The following CAST variants were observed in gnomAD, a reference collection of about 807,000 sequenced individuals.
CAST encodes MIR583 host.
In CAST, 76 loss-of-function variants were observed where a neutral mutation model predicts 119.6. The observed-to-expected ratio is 0.64, with a 90% confidence interval of 0.53 to 0.77. CAST has a LOEUF of 0.77. CAST is among the 30% of genes least tolerant of loss of function. The pLI, the probability that CAST is intolerant of heterozygous loss-of-function variation, is 0.00. For synonymous variants in CAST, 319 were observed against 331.6 expected, an observed-to-expected ratio of 0.96 and a Z score of 0.41; for missense variants, 953 against 946.5, an observed-to-expected ratio of 1.01 and a Z score of -0.09.
the CAST span, among the ~76,000 whole-genome samples, chr5:96,255,311 G>A: frequency 6.6e-6 from 1 of 152,118 alleles, no homozygotes; most frequent in Non-Finnish European, 1.5e-5. Flanking sequence ...GTAAAGGAAT[G>A]TTACAATTGG....
chr5:96,260,908 C>T, the CAST span, among the ~76,000 whole-genome samples: 1 of 152,170 alleles, frequency 6.6e-6, no homozygotes, highest in African/African-American at 2.4e-5. Flanking sequence ...ATATATAAAA[C>T]TTATGGCAAA....
chr5:96,475,683 A>AG, the CAST span, among the ~76,000 whole-genome samples: 1 of 152,160 alleles, frequency 6.6e-6, no homozygotes, highest in Non-Finnish European at 1.5e-5. Flanking sequence ...TGTAACAAGC[A>AG]GGGGGTCTGG....
chr5:96,279,598 T>A, the CAST span, among the ~76,000 whole-genome samples: 2 of 152,334 alleles, frequency 1.3e-5, no homozygotes, highest in East Asian at 1.9e-4. Context: ...ATAGACATGA[T>A]AAGAACAGAA....
the CAST span, among the ~76,000 whole-genome samples, chr5:96,495,249 T>G: frequency 6.6e-6 from 1 of 152,140 alleles, no homozygotes; most frequent in Non-Finnish European, 1.5e-5. Flanking sequence ...ATCAACTGTT[T>G]TTTGTTTTTT....
At chr5:96,361,370 C>T in the CAST span, among the ~76,000 whole-genome samples, 1 of 151,994 alleles carries the variant, frequency 6.6e-6, no homozygotes, top group East Asian at 1.9e-4. Context: ...CCAGGCACCA[C>T]TGGGGTATGA....
At chr5:96,127,150 C>A in the CAST span, among the ~76,000 whole-genome samples, 1 of 152,104 alleles carries the variant, frequency 6.6e-6, no homozygotes, top group South Asian at 2.1e-4. Context: ...TAATATATAG[C>A]TTTATTTGCA....
At chr5:96,079,250 A>G in the CAST span, 2 of 388,616 alleles carry the variant, frequency 5.1e-6, no homozygotes, top group Non-Finnish European at 1.0e-5. Flanking sequence ...CTCCCTACCC[A>G]CACTCTTTGT....
Position 96,672,431 on chromosome 5 carries a change from C to T in CAST, c.76-3108C>T, listed in dbSNP as rs369557242. 1.3e-4 allele frequency among the ~76,000 whole-genome samples: 20 copies of T among 152,200 alleles called. 1 individual carries two copies. The highest frequency in any genetic ancestry group is 9.6e-4 in the East Asian group (5 of 5,182). ...GCTGGGCTTAAAATAGGAACTGGGCCGGGAGCGGTGGCTCACGCCTGTAAT... is the reference window on the plus strand; with the variant it reads ...GCTGGGCTTAAAATAGGAACTGGGCTGGGAGCGGTGGCTCACGCCTGTAAT... On this transcript the variant is annotated intron_variant, in intron 1 of 31. Coordinates refer to ENST00000675179, the MANE Select transcript of CAST (RefSeq NM_001750.7).
the CAST span, among the ~76,000 whole-genome samples, chr5:96,403,548 T>C: frequency 6.6e-6 from 1 of 152,208 alleles, no homozygotes; most frequent in African/African-American, 2.4e-5. Flanking sequence ...CCTTTGTTAA[T>C]TTGTGCTCAA....
chr5:96,101,342 A>G, the CAST span, among the ~76,000 whole-genome samples: 7 of 152,258 alleles, frequency 4.6e-5, no homozygotes, highest in African/African-American at 1.7e-4. Flanking sequence ...ACAGAATTGT[A>G]AGAATTAAAT....
chr5:96,322,528 C>G, the CAST span, among the ~76,000 whole-genome samples: 1 of 152,150 alleles, frequency 6.6e-6, no homozygotes, highest in Non-Finnish European at 1.5e-5. Context: ...TCTTATGCAG[C>G]TTTTCTGGTG....
the CAST span, among the ~76,000 whole-genome samples, chr5:95,983,788 G>C: frequency 6.6e-6 from 1 of 152,170 alleles, no homozygotes; most frequent in African/African-American, 2.4e-5. Context: ...AATGCATTAA[G>C]AGAAGGGGGA....
At chr5:96,198,572 C>G in the CAST span, among the ~76,000 whole-genome samples, 1 of 152,114 alleles carries the variant, frequency 6.6e-6, no homozygotes, top group Non-Finnish European at 1.5e-5. Context: ...CATAGGTATC[C>G]TCTTGGTCAC....
the CAST span, among the ~76,000 whole-genome samples, chr5:96,412,752 G>GTTTTGTTTTTTTTTT: frequency 1.4e-5 from 1 of 71,832 alleles, no homozygotes; most frequent in African/African-American, 9.0e-5. Flanking sequence ...CAGCTGTGAT[G>GTTTTGTTTTTTTTTT]TTTTTTTTTT....
At chr5:96,106,199 T>C in the CAST span, among the ~76,000 whole-genome samples, 1 of 151,852 alleles carries the variant, frequency 6.6e-6, no homozygotes, top group Non-Finnish European at 1.5e-5. Context: ...CTGGATTCAT[T>C]AATTTTTTGT....
At chr5:96,672,434 G>C (rs1037978097) in intron 1 of CAST, among the ~76,000 whole-genome samples, 12 of 152,194 alleles carry the variant, frequency 7.9e-5, no homozygotes, top group African/African-American at 2.9e-4. Context: ...ACTGGGCCGG[G>C]AGCGGTGGCT....
At chr5:96,760,529 A>T (rs1197126649) in intron 24 of CAST, among the ~76,000 whole-genome samples, 1 of 151,942 alleles carries the variant, frequency 6.6e-6, no homozygotes, top group East Asian at 1.9e-4. Flanking sequence ...TTATTATCAC[A>T]TGGAAGAATC....
At chr5:96,727,091 C>A (rs931799827) in intron 5 of CAST, among the ~76,000 whole-genome samples, 1 of 152,200 alleles carries the variant, frequency 6.6e-6, no homozygotes, top group African/African-American at 2.4e-5. Context: ...TCAGCCAAAA[C>A]CCGTGATGAA....
the CAST span, among the ~76,000 whole-genome samples, chr5:96,488,469 A>C: frequency 6.6e-6 from 1 of 152,358 alleles, no homozygotes; most frequent in Non-Finnish European, 1.5e-5. Context: ...AAAAAATGCA[A>C]AACTTCAAAA....
Sources: allele counts gnomAD v4.1 joint callset (sites outside exome capture counted in the v4.1 genomes callset), GRCh38; gene constraint gnomAD v4.1.1; transcripts MANE v1.5; gene names NCBI Gene and HGNC (gene_info 2026-07-23, HGNC 2026-07-21).